CNNM2: variants seen among roughly 807,000 people sequenced by gnomAD.
The protein encoded by CNNM2 is metal transporter CNNM2.
Under a neutral mutation model 66.9 loss-of-function variants are expected in CNNM2, and 12 were observed. That is an observed-to-expected ratio of 0.18 (90% CI 0.11 to 0.29). CNNM2 has a LOEUF of 0.29. CNNM2 is among the 10% of genes least tolerant of loss of function. The pLI is 1.00. For synonymous variants in CNNM2, 557 were observed against 501.8 expected, an observed-to-expected ratio of 1.11 and a Z score of -1.47; for missense variants, 705 against 1,167.7, an observed-to-expected ratio of 0.60 and a Z score of 5.77.
At chr10:102,971,424 A>G (rs1200489075) in intron 1 of CNNM2, among the ~76,000 whole-genome samples, 1 of 152,104 alleles carries the variant, frequency 6.6e-6, no homozygotes, top group African/African-American at 2.4e-5. Context: ...TTAAGTGCCC[A>G]TTATAAAATT....
chr10:103,056,558 G>C (rs893279658), intron 3 of CNNM2, among the ~76,000 whole-genome samples: 1 of 152,230 alleles, frequency 6.6e-6, no homozygotes, highest in Admixed American at 6.5e-5. Context: ...TATGAGGACT[G>C]AAGTCAATGA....
chr10:103,017,963 C>CAAAGAAAAAAA (rs2064487760), intron 1 of CNNM2, among the ~76,000 whole-genome samples: 1 of 78,880 alleles, frequency 1.3e-5, no homozygotes, highest in Non-Finnish European at 2.4e-5. Flanking sequence ...GAATCTGTCT[C>CAAAGAAAAAAA]AAAAAAAAAA....
At chr10:102,974,802 G>A (rs1354766063) in intron 1 of CNNM2, among the ~76,000 whole-genome samples, 1 of 152,168 alleles carries the variant, frequency 6.6e-6, no homozygotes, top group African/African-American at 2.4e-5. Flanking sequence ...CTCCCAAAGT[G>A]CTGGGATTAT....
chr10:102,960,484 G>A (rs2063362114), intron 1 of CNNM2, among the ~76,000 whole-genome samples: 2 of 152,072 alleles, frequency 1.3e-5, no homozygotes, highest in Admixed American at 1.3e-4. Context: ...TAAAACTACT[G>A]TTGACATTTT....
intron 1 of CNNM2, among the ~76,000 whole-genome samples, chr10:102,972,197 A>G (rs2063556026): frequency 6.6e-6 from 1 of 152,176 alleles, no homozygotes; most frequent in Non-Finnish European, 1.5e-5. Flanking sequence ...TAATTCAGTG[A>G]TTCCTAATCA....
rs1348020362 is a variant in CNNM2, at chr10:103,087,529, T to G, written c.*10349T>G. The G allele has an allele frequency of 6.6e-6, 1 of 152,084 alleles. No homozygotes were observed. Among genetic ancestry groups the G allele is most frequent in the Non-Finnish European group, 1.5e-5 (1 of 68,010 alleles). The allele number at this position is 152,084 out of a possible 1,614,324, so 9.4% of individuals were successfully genotyped here. On this transcript the variant is annotated 3_prime_UTR_variant, in exon 8 of 8. Coordinates refer to ENST00000369878, the MANE Select transcript of CNNM2 (RefSeq NM_017649.5). Reference sequence around the variant, plus strand: ...TCTTATATGGATGCAATACAAAAAGTGGTAAATTAAAGCAAAGCAATCATG... The same window carrying G: ...TCTTATATGGATGCAATACAAAAAGGGGTAAATTAAAGCAAAGCAATCATG...
At chr10:103,068,743 C>T (rs776945089) in intron 5 of CNNM2, 21 bp downstream of exon 5, 1 of 1,590,364 alleles carries the variant, frequency 6.3e-7, no homozygotes, top group East Asian at 2.2e-5. Context: ...TTCCCAGCCG[C>T]ATAGGGCAGG....
At chr10:102,926,572 T>C (rs1845867788) in intron 1 of CNNM2, among the ~76,000 whole-genome samples, 1 of 152,164 alleles carries the variant, frequency 6.6e-6, no homozygotes. Flanking sequence ...AACAGGGTCT[T>C]GCTCTGTTAC....
At chr10:103,064,756 C>T (rs187255695) in intron 4 of CNNM2, among the ~76,000 whole-genome samples, 1 of 152,252 alleles carries the variant, frequency 6.6e-6, no homozygotes, top group Non-Finnish European at 1.5e-5. Context: ...ACAAGTGTTG[C>T]TTGAGCTCAG....
chr10:102,975,485 A>AAAAAAAAAC (rs1564827638), intron 1 of CNNM2, among the ~76,000 whole-genome samples: 1 of 151,486 alleles, frequency 6.6e-6, no homozygotes. Flanking sequence ...AAAAAAAAAA[A>AAAAAAAAAC]AAACAAACCT....
Position 102,918,919 on chromosome 10 carries a change from C to T in CNNM2, c.439C>T (p.Pro147Ser). Residue 147 changes from proline to serine, a missense_variant, in exon 1 of 8, where the codon CCC becomes TCC. This residue lies in a region of CNNM2 where 100 missense variants were observed against 151.9 expected (regional missense o/e 0.66). Transcript: ENST00000369878. The surrounding 1 kb of genome is among the most constrained non-coding windows in gnomAD (Gnocchi z 4.1). ...GPAPPEPDSG[P>S]QRCGIRTSDI... Reference sequence around the variant, plus strand: ...CGCGCCGCCAGAGCCGGACAGCGGCCCCCAGCGATGCGGCATCCGCACCTC... The same window carrying T: ...CGCGCCGCCAGAGCCGGACAGCGGCTCCCAGCGATGCGGCATCCGCACCTC... The T allele has an allele frequency of 6.2e-7, 1 of 1,611,904 alleles. No individual in the cohort carries two copies. The highest frequency in any genetic ancestry group is 8.5e-7 in the Non-Finnish European group (1 of 1,179,260).
At chr10:103,050,232 T>G (rs1183968928) in intron 2 of CNNM2, among the ~76,000 whole-genome samples, 1 of 152,212 alleles carries the variant, frequency 6.6e-6, no homozygotes, top group African/African-American at 2.4e-5. Context: ...ACTCAAGTAC[T>G]CTTTAAAGTG....
At chr10:103,027,612 C>G (rs917821045) in intron 1 of CNNM2, 1 of 152,154 alleles carries the variant, frequency 6.6e-6, no homozygotes, top group Non-Finnish European at 1.5e-5. Flanking sequence ...TCAGGTGATA[C>G]AAATGATGGT....
chr10:103,056,565 A>G (rs2065300312), intron 3 of CNNM2, among the ~76,000 whole-genome samples: 1 of 152,234 alleles, frequency 6.6e-6, no homozygotes, highest in South Asian at 2.1e-4. Context: ...ACTGAAGTCA[A>G]TGATGGGTTG....
At chr10:103,046,936 A>G (rs181983612) in intron 1 of CNNM2, among the ~76,000 whole-genome samples, 1 of 152,360 alleles carries the variant, frequency 6.6e-6, no homozygotes, top group East Asian at 1.9e-4. Flanking sequence ...AAACCATACC[A>G]GTAGACCTTT....
chr10:102,948,664 T>A (rs2134188384), intron 1 of CNNM2, among the ~76,000 whole-genome samples: 1 of 152,248 alleles, frequency 6.6e-6, no homozygotes, highest in South Asian at 2.1e-4. Context: ...TACATGAGCA[T>A]GACATTATTA....
At chr10:102,998,425 G>A (rs1362977096) in intron 1 of CNNM2, among the ~76,000 whole-genome samples, 3 of 152,146 alleles carry the variant, frequency 2.0e-5, no homozygotes, top group African/African-American at 7.2e-5. Flanking sequence ...ATTCTAGATT[G>A]TATTATTTTC....
At chr10:103,048,445 A>T (rs1322289755) in intron 1 of CNNM2, among the ~76,000 whole-genome samples, 1 of 151,322 alleles carries the variant, frequency 6.6e-6, no homozygotes, top group Non-Finnish European at 1.5e-5. Context: ...CAAACTCCTG[A>T]CCTCAGGTGA....
At chr10:103,043,959 A>ATC (rs2065085766) in intron 1 of CNNM2, among the ~76,000 whole-genome samples, 1 of 152,232 alleles carries the variant, frequency 6.6e-6, no homozygotes. Context: ...GTACAGCAAG[A>ATC]TCTCTTACAG....
Sources: allele counts gnomAD v4.1 joint callset (sites outside exome capture counted in the v4.1 genomes callset), GRCh38; gene constraint gnomAD v4.1.1; regional missense constraint gnomAD v4.1.1; non-coding constraint Gnocchi (gnomAD v3.1); transcripts MANE v1.5; gene names NCBI Gene and HGNC (gene_info 2026-07-23, HGNC 2026-07-21).